The following RIMS2 variants were observed in gnomAD, a reference collection of about 807,000 sequenced individuals.
RIMS2 encodes the protein regulating synaptic membrane exocytosis 2, also known as regulating synaptic membrane exocytosis protein 2.
In RIMS2, 59 loss-of-function variants were observed where a neutral mutation model predicts 174.4. The observed-to-expected ratio is 0.34, with a 90% confidence interval of 0.27 to 0.42. The LOEUF (loss-of-function observed/expected upper bound fraction) is 0.42. Ranked by LOEUF, RIMS2 falls within the 10% of genes least tolerant of loss-of-function variation. The pLI is 1.00. For synonymous variants in RIMS2, 606 were observed against 572.5 expected (o/e 1.06, Z -0.84); for missense variants, 1,620 against 1,666.3 (o/e 0.97, Z 0.48).
intron 3 of RIMS2, among the ~76,000 whole-genome samples, chr8:103,806,319 T>C (rs2098649603): frequency 6.6e-6 from 1 of 152,180 alleles, no homozygotes; most frequent in Non-Finnish European, 1.5e-5. Flanking sequence ...ACATCACCTT[T>C]GGATTTTAAA....
At chr8:103,595,843 C>G (rs2094460167) in intron 1 of RIMS2, among the ~76,000 whole-genome samples, 1 of 151,852 alleles carries the variant, frequency 6.6e-6, no homozygotes, top group African/African-American at 2.4e-5. Flanking sequence ...CTCTTCGATC[C>G]CATCCCACAG....
chr8:104,041,627 G>A (rs908910469), intron 19 of RIMS2, among the ~76,000 whole-genome samples: 2 of 151,552 alleles, frequency 1.3e-5, no homozygotes, highest in Admixed American at 1.3e-4. Flanking sequence ...AGGCAAATAG[G>A]ATGTGTATGT....
intron 1 of RIMS2, among the ~76,000 whole-genome samples, chr8:103,668,547 T>A (rs901775732): frequency 2.6e-5 from 4 of 150,962 alleles, no homozygotes; most frequent in African/African-American, 9.8e-5. Context: ...TTTAGAAGAG[T>A]CACCACACCA....
intron 19 of RIMS2, among the ~76,000 whole-genome samples, chr8:104,139,072 G>C (rs2133424324): frequency 6.6e-6 from 1 of 152,118 alleles, no homozygotes; most frequent in African/African-American, 2.4e-5. Flanking sequence ...AATGACTTCA[G>C]TGGAGGTGTC....
chr8:103,757,700 T>G (rs1297882698), intron 2 of RIMS2, among the ~76,000 whole-genome samples: 1 of 152,190 alleles, frequency 6.6e-6, no homozygotes, highest in African/African-American at 2.4e-5. Flanking sequence ...GATCTTGAGA[T>G]AGGGAGATTA....
At chr8:103,922,800 A>G (rs977823084) in intron 10 of RIMS2, 3 of 233,504 alleles carry the variant, frequency 1.3e-5, no homozygotes, top group African/African-American at 6.9e-5. Flanking sequence ...TTCATTAATT[A>G]AAAGGAGTTA....
chr8:103,672,928 A>C (rs893178863), intron 1 of RIMS2, among the ~76,000 whole-genome samples: 1 of 152,186 alleles, frequency 6.6e-6, no homozygotes, highest in Non-Finnish European at 1.5e-5. Flanking sequence ...AAAATCAAAC[A>C]AGTTATCTAC....
chr8:103,587,155 G>C (rs1228380801), intron 1 of RIMS2, among the ~76,000 whole-genome samples: 2 of 151,836 alleles, frequency 1.3e-5, no homozygotes, highest in Non-Finnish European at 2.9e-5. Context: ...GATTGAACCA[G>C]GAAGAAATCC....
At chr8:103,817,637 G>T (rs2098726192) in intron 3 of RIMS2, among the ~76,000 whole-genome samples, 1 of 152,028 alleles carries the variant, frequency 6.6e-6, no homozygotes. Context: ...AAAATTAGCT[G>T]GGCGTGGTGG....
chr8:104,063,206 G>A (rs1338047473), intron 19 of RIMS2, among the ~76,000 whole-genome samples: 3 of 151,788 alleles, frequency 2.0e-5, no homozygotes, highest in African/African-American at 7.3e-5. Context: ...AATATAATTT[G>A]TACTTATTAA....
intron 1 of RIMS2, among the ~76,000 whole-genome samples, chr8:103,505,574 C>T (rs1378711225): frequency 6.6e-6 from 1 of 151,940 alleles, no homozygotes; most frequent in Non-Finnish European, 1.5e-5. Context: ...TAAATATCTT[C>T]GTACATGCAT....
At chr8:104,253,277 GT>G (rs1177630685), downstream of RIMS2, 1 of 151,972 alleles carries the variant, frequency 6.6e-6, no homozygotes, top group Non-Finnish European at 1.5e-5. Flanking sequence ...GGTTTTGTTT[GT>G]TTTTTAATCA....
intron 19 of RIMS2, among the ~76,000 whole-genome samples, chr8:104,137,466 C>A (rs2098530654): frequency 1.3e-5 from 2 of 152,114 alleles, no homozygotes; most frequent in African/African-American, 4.8e-5. Flanking sequence ...TGAAAACTTA[C>A]CATGTGGCAA....
intron 19 of RIMS2, among the ~76,000 whole-genome samples, chr8:104,099,955 C>T (rs1209567875): frequency 2.0e-5 from 3 of 151,646 alleles, no homozygotes; most frequent in African/African-American, 7.3e-5. Context: ...ATAGTTGTGA[C>T]TACAGGGTCA....
At chr8:103,789,122 G>A (rs1044339962) in intron 3 of RIMS2, among the ~76,000 whole-genome samples, 9 of 152,194 alleles carry the variant, frequency 5.9e-5, no homozygotes, top group Non-Finnish European at 1.0e-4. Flanking sequence ...GCCTCGCCCT[G>A]CTTCGGCTCG....
rs73699010 is a variant in RIMS2 at position 103,937,352 on chromosome 8, A to G, written c.2547+630A>G. Among the ~76,000 whole-genome samples, 422 of 152,290 alleles carry G rather than the reference A, an allele frequency of 2.8e-3. 1 individual carries two copies. Among genetic ancestry groups the G allele is most frequent in the African/African-American group, 9.8e-3 (409 of 41,564 alleles). On this transcript the variant is annotated intron_variant, in intron 13 of 23. Transcript: ENST00000504942. The stretch of plus-strand genomic sequence containing the variant: ...ATATATTGCTTTGTTTTATAGTGAT[A>G]TGTATATATCTTGGTAGTTTACTGA...
At chr8:103,997,560 T>C (rs1255847765) in intron 17 of RIMS2, among the ~76,000 whole-genome samples, 1 of 151,744 alleles carries the variant, frequency 6.6e-6, no homozygotes, top group East Asian at 1.9e-4. Flanking sequence ...CTTGGATTGC[T>C]TATGGTAGTT....
At chr8:103,688,234 T>C (rs1037970463) in intron 1 of RIMS2, among the ~76,000 whole-genome samples, 1 of 152,122 alleles carries the variant, frequency 6.6e-6, no homozygotes, top group Non-Finnish European at 1.5e-5. Context: ...TGTGGGTTTG[T>C]AATGTAACAC....
At chr8:104,137,328 G>T (rs1040039170) in intron 19 of RIMS2, among the ~76,000 whole-genome samples, 7 of 152,070 alleles carry the variant, frequency 4.6e-5, no homozygotes, top group African/African-American at 1.7e-4. Flanking sequence ...TCTAGACATT[G>T]TGCTAATTGC....
Sources: gnomAD v4.1 joint callset for allele counts (sites outside exome capture counted in the v4.1 genomes callset) on GRCh38, gnomAD v4.1.1 for gene constraint, MANE v1.5 for transcripts, NCBI Gene and HGNC (gene_info 2026-07-23, HGNC 2026-07-21) for gene names.